MARCHF1: variants seen among roughly 807,000 people sequenced by gnomAD.
MARCHF1 encodes the protein membrane associated ring-CH-type finger 1.
A neutral mutation model predicts 54.2 loss-of-function variants in MARCHF1; 40 were observed. The ratio of observed to expected loss-of-function variants is 0.74; its 90% CI spans 0.57 to 0.96. The LOEUF is 0.96. Among genes scored for constraint, MARCHF1 ranks in the 40% least tolerant of loss-of-function variants. The pLI, the probability that MARCHF1 is intolerant of heterozygous loss-of-function variation, is 0.00. For synonymous variants in MARCHF1, 236 were observed against 236.3 expected, an observed-to-expected ratio of 1.00 and a Z score of 0.01; for missense variants, 586 against 656.5, an observed-to-expected ratio of 0.89 and a Z score of 1.17.
intron 4 of MARCHF1, among the ~76,000 whole-genome samples, chr4:163,780,796 T>A (rs1475519594): frequency 6.6e-6 from 1 of 152,200 alleles, no homozygotes; most frequent in East Asian, 1.9e-4. Flanking sequence ...TCATTCTATG[T>A]GCGTTTGGCA....
chr4:163,932,764 A>C, intron 3 of MARCHF1: 2 of 571,414 alleles, frequency 3.5e-6, no homozygotes, highest in South Asian at 3.0e-5. Context: ...AAGGACTACC[A>C]GGAGAAAGTG....
At chr4:164,363,851 A>C (rs1414745206) in intron 1 of MARCHF1, among the ~76,000 whole-genome samples, 1 of 151,880 alleles carries the variant, frequency 6.6e-6, no homozygotes, top group African/African-American at 2.4e-5. Context: ...TGAGTAGAGA[A>C]TGTAGGGGTC....
chr4:163,744,209 T>C (rs550724386), intron 4 of MARCHF1, among the ~76,000 whole-genome samples: 44 of 152,344 alleles, frequency 2.9e-4, no homozygotes, highest in African/African-American at 1.0e-3. Flanking sequence ...GACCCACTGG[T>C]TGAATTTTCA....
intron 3 of MARCHF1, among the ~76,000 whole-genome samples, chr4:163,938,647 T>A (rs1751850080): frequency 2.0e-5 from 3 of 152,132 alleles, no homozygotes; most frequent in Admixed American, 2.0e-4. Context: ...GGTTTCATGC[T>A]GTTATGAAGA....
intron 8 of MARCHF1, among the ~76,000 whole-genome samples, chr4:163,580,693 G>C (rs1447629450): frequency 6.6e-6 from 1 of 152,140 alleles, no homozygotes; most frequent in Non-Finnish European, 1.5e-5. Flanking sequence ...AAAATATATT[G>C]GGTAAAATAT....
chr4:163,871,806 T>C (rs1750175664), intron 3 of MARCHF1, among the ~76,000 whole-genome samples: 1 of 152,198 alleles, frequency 6.6e-6, no homozygotes, highest in African/African-American at 2.4e-5. Flanking sequence ...CACCTTCATT[T>C]GTTAATATTT....
At chr4:163,774,516 T>TC (rs72381673) in intron 4 of MARCHF1, among the ~76,000 whole-genome samples, 1 of 151,466 alleles carries the variant, frequency 6.6e-6, no homozygotes, top group African/African-American at 2.4e-5. Context: ...TTTTTTTTTT[T>TC]TGACAGAGTC....
At chr4:163,725,325 A>T (rs926188877) in intron 4 of MARCHF1, among the ~76,000 whole-genome samples, 4 of 152,046 alleles carry the variant, frequency 2.6e-5, no homozygotes, top group African/African-American at 9.7e-5. Flanking sequence ...AAAATACAAA[A>T]AAGTTAAGTG....
intron 2 of MARCHF1, among the ~76,000 whole-genome samples, chr4:164,006,256 G>GAAATAATAATTGAA (rs1753284725): frequency 6.6e-6 from 1 of 152,040 alleles, no homozygotes; most frequent in Admixed American, 6.6e-5. Context: ...AGAGAAATTT[G>GAAATAATAATTGAA]ACAAAAATTG....
chr4:164,097,263 A>T (rs1002350977), intron 2 of MARCHF1, among the ~76,000 whole-genome samples: 3 of 152,184 alleles, frequency 2.0e-5, no homozygotes, highest in Non-Finnish European at 1.5e-5. Flanking sequence ...CTTCTATCCT[A>T]GGATTTACAG....
At chr4:163,654,241 G>A (rs1046218433) in intron 5 of MARCHF1, among the ~76,000 whole-genome samples, 1 of 151,654 alleles carries the variant, frequency 6.6e-6, no homozygotes, top group African/African-American at 2.4e-5. Flanking sequence ...ACTAGAGGAT[G>A]TTCAAAACAT....
intron 1 of MARCHF1, among the ~76,000 whole-genome samples, chr4:164,199,681 C>CACAGAGAGAG (rs1462208986): frequency 5.2e-4 from 25 of 47,646 alleles, no homozygotes; most frequent in African/African-American, 1.9e-3. Flanking sequence ...CACACACACA[C>CACAGAGAGAG]AGAGAGAGAG....
intron 1 of MARCHF1, among the ~76,000 whole-genome samples, chr4:164,175,905 T>C (rs1180712831): frequency 6.6e-6 from 1 of 152,176 alleles, no homozygotes; most frequent in African/African-American, 2.4e-5. Context: ...AGAACCCTAA[T>C]ACACCCCTGT....
At chr4:163,567,021 A>C (rs767281913) in intron 8 of MARCHF1, among the ~76,000 whole-genome samples, 2 of 152,196 alleles carry the variant, frequency 1.3e-5, no homozygotes. Context: ...CCAGGAATTT[A>C]ATCTAAGAAA....
chr4:163,912,791 C>G (rs1026010113), intron 3 of MARCHF1, among the ~76,000 whole-genome samples: 1 of 152,002 alleles, frequency 6.6e-6, no homozygotes, highest in Non-Finnish European at 1.5e-5. Context: ...AGTCTGAAAA[C>G]CATAGAAACC....
intron 1 of MARCHF1, among the ~76,000 whole-genome samples, chr4:164,209,008 C>T (rs995961093): frequency 1.6e-4 from 24 of 150,098 alleles, no homozygotes; most frequent in Non-Finnish European, 1.3e-4. Context: ...AATATATATA[C>T]ACACATACAT....
chr4:163,854,042 G>T lies in MARCHF1; in HGVS notation c.90C>A (p.Asp30Glu), dbSNP rs375276624. The T allele has an allele frequency of 1.3e-6, 2 of 1,536,672 alleles. No homozygotes were observed. Among genetic ancestry groups the T allele is most frequent in the Non-Finnish European group, 1.7e-6 (2 of 1,146,608 alleles). The change falls in exon 4 of 10, where the codon GAC becomes GAA. Residue 30 changes from aspartate to glutamate, a missense_variant. Physicochemically the swap from Asp to Glu is conservative, Grantham distance 45. This residue lies in a region of MARCHF1 where 387 missense variants were observed against 394.6 expected (regional missense o/e 0.98). Transcript: ENST00000514618. ...TCACCAATGTGGAGGTTTGTGAGGC[G>T]TCAGCCAAATCCCCTGAGATCTCGG... ...RTPEISGDLA[D>E]ASQTSTLNEK...
chr4:164,283,858 T>A (rs1734083157), intron 1 of MARCHF1, among the ~76,000 whole-genome samples: 1 of 151,082 alleles, frequency 6.6e-6, no homozygotes, highest in Non-Finnish European at 1.5e-5. Context: ...CAGAGGAATT[T>A]TCATTTCTGA....
At position 163,825,546 on chromosome 4, in the gene MARCHF1, T is replaced by G. The variant is rs140850282; in HGVS notation, c.111+28475A>C. ...TGCTTTCCACAATGGCTGAACTAAT[T>G]TACATTCCCACCAGCAGTGTATAAG... On this transcript the variant is annotated intron_variant, in intron 4 of 9. Coordinates refer to ENST00000514618, the MANE Select transcript of MARCHF1 (RefSeq NM_001394959.1). 2.6e-3 allele frequency among the ~76,000 whole-genome samples: 400 copies of G among 152,162 alleles called. 1 individual carries two copies. The highest frequency in any genetic ancestry group is 0.01 in the Middle Eastern group (3 of 294).
Sources: gnomAD v4.1 joint callset for allele counts (sites outside exome capture counted in the v4.1 genomes callset) on GRCh38, gnomAD v4.1.1 for gene constraint, gnomAD v4.1.1 regional missense constraint, MANE v1.5 for transcripts, NCBI Gene and HGNC (gene_info 2026-07-23, HGNC 2026-07-21) for gene names.